EGFR: variants seen among roughly 807,000 people sequenced by gnomAD.
EGFR encodes the protein epidermal growth factor receptor.
Under a neutral mutation model 143.0 loss-of-function variants are expected in EGFR, and 58 were observed. That is an observed-to-expected ratio of 0.41 (90% CI 0.33 to 0.50). The LOEUF (loss-of-function observed/expected upper bound fraction) is 0.50. Ranked by LOEUF, EGFR falls within the 20% of genes least tolerant of loss-of-function variation. The probability of loss-of-function intolerance (pLI) is 0.39; values close to 1 mark genes in which losing one functional copy is unlikely to be tolerated. For synonymous variants in EGFR, 613 were observed against 594.4 expected, an observed-to-expected ratio of 1.03 and a Z score of -0.45; for missense variants, 1,307 against 1,579.0, an observed-to-expected ratio of 0.83 and a Z score of 2.92.
chr7:55,070,736 G>C (rs929197908), intron 1 of EGFR, among the ~76,000 whole-genome samples: 4 of 152,288 alleles, frequency 2.6e-5, no homozygotes, highest in Non-Finnish European at 5.9e-5. Flanking sequence ...GCAAACATGT[G>C]CAAGAAGAAA....
chr7:55,081,488 C>T (rs545435196), intron 1 of EGFR, among the ~76,000 whole-genome samples: 1 of 152,138 alleles, frequency 6.6e-6, no homozygotes, highest in Admixed American at 6.5e-5. Context: ...TGTCTGTGAG[C>T]GAGAGCCTGA....
In EGFR at chr7:55,174,773, G is replaced by GA; in HGVS notation, c.2238dup (p.Leu747IlefsTer16). On this transcript the variant is annotated frameshift_variant, in exon 19 of 28. Coordinates refer to ENST00000275493, the MANE Select transcript of EGFR (RefSeq NM_005228.5). LOFTEE classifies it high-confidence loss of function. ...AGTTAAAATTCCCGTCGCTATCAAG[G>GA]AATTAAGAGAAGCAACATCTCCGAA... 1 of 1,614,096 alleles carries GA rather than the reference G, an allele frequency of 6.2e-7. No individual in the cohort carries two copies. The highest frequency in any genetic ancestry group is 8.5e-7 in the Non-Finnish European group (1 of 1,179,996).
At chr7:55,043,729 A>C (rs1379172236) in intron 1 of EGFR, 1 of 152,314 alleles carries the variant, frequency 6.6e-6, no homozygotes, top group Non-Finnish European at 1.5e-5. Flanking sequence ...GAATGTTAAT[A>C]GTTCTAAGGT....
chr7:55,032,335 C>T (rs17289008), intron 1 of EGFR, among the ~76,000 whole-genome samples: 1 of 152,154 alleles, frequency 6.6e-6, no homozygotes, highest in Admixed American at 6.5e-5. Context: ...TGTCTGAGGA[C>T]GCAGCTTAGC....
chr7:55,123,097 CT>C (rs1160325501), intron 1 of EGFR, among the ~76,000 whole-genome samples: 1 of 152,152 alleles, frequency 6.6e-6, no homozygotes, highest in African/African-American at 2.4e-5. Flanking sequence ...GTCAGGAATT[CT>C]TTTTTTGTCT....
intron 15 of EGFR, chr7:55,168,636 C>T (rs1399098605): frequency 6.6e-7 from 1 of 1,513,794 alleles, no homozygotes; most frequent in African/African-American, 1.4e-5. Context: ...ATTCATTTGA[C>T]ATATGGAATT....
At chr7:55,042,875 G>A (rs1787978164) in intron 1 of EGFR, among the ~76,000 whole-genome samples, 1 of 152,128 alleles carries the variant, frequency 6.6e-6, no homozygotes, top group African/African-American at 2.4e-5. Flanking sequence ...ATGACTTCAT[G>A]AGGAGGTAGA....
chr7:55,098,688 C>T (rs1430879394), intron 1 of EGFR, among the ~76,000 whole-genome samples: 2 of 152,212 alleles, frequency 1.3e-5, no homozygotes, highest in African/African-American at 4.8e-5. Flanking sequence ...GTTACTCCGG[C>T]AATATAAAAA....
At chr7:55,083,295 T>A (rs1790569082) in intron 1 of EGFR, among the ~76,000 whole-genome samples, 1 of 152,248 alleles carries the variant, frequency 6.6e-6, no homozygotes, top group Non-Finnish European at 1.5e-5. Flanking sequence ...CTGAAGCATA[T>A]GATCTCCAGA....
Position 55,170,008 on chromosome 7 carries a change from T to C in EGFR, c.1881-1167T>C, listed in dbSNP as rs565520642. On this transcript the variant is annotated intron_variant, in intron 15 of 27. Coordinates refer to ENST00000275493, the MANE Select transcript of EGFR (RefSeq NM_005228.5). ...TGAGTGACTGCTTTCTGTCTCAGACTGTTTGGTGTCTGTAGGAGGTAGTGG... is the reference window on the plus strand; with the variant it reads ...TGAGTGACTGCTTTCTGTCTCAGACCGTTTGGTGTCTGTAGGAGGTAGTGG... Among the ~76,000 whole-genome samples the C allele has an allele frequency of 1.2e-3, 188 of 152,340 alleles. 1 individual carries two copies. The highest frequency in any genetic ancestry group is 4.4e-3 in the African/African-American group (184 of 41,568).
At chr7:55,123,020 C>T (rs1029772818) in intron 1 of EGFR, among the ~76,000 whole-genome samples, 1 of 152,208 alleles carries the variant, frequency 6.6e-6, no homozygotes, top group African/African-American at 2.4e-5. Context: ...CAAAATAATT[C>T]ACATGGTGGG....
At chr7:55,143,127 C>T (rs187383901) in intron 2 of EGFR, among the ~76,000 whole-genome samples, 178 bp from the exon 3 acceptor site, 3 of 152,148 alleles carry the variant, frequency 2.0e-5, no homozygotes, top group South Asian at 2.1e-4. Context: ...TGTTGCAGAT[C>T]GTGGACATGC....
At chr7:55,115,172 A>G (rs1461304779) in intron 1 of EGFR, among the ~76,000 whole-genome samples, 2 of 152,156 alleles carry the variant, frequency 1.3e-5, no homozygotes, top group African/African-American at 2.4e-5. Flanking sequence ...TTAAATTCAC[A>G]TGAGAATTTA....
In EGFR at chr7:55,143,450, A is replaced by C. The variant is rs762889647; in HGVS notation, c.386A>C (p.Lys129Thr). 6.2e-7 allele frequency: 1 copy of C among 1,614,218 alleles called. No homozygotes were observed. The highest frequency in any genetic ancestry group is 8.5e-7 in the Non-Finnish European group (1 of 1,180,046). ...GTCTTATCTAACTATGATGCAAATA[A>C]AACCGGACTGAAGGAGCTGCCCATG... ...LAVLSNYDAN[K>T]TGLKELPMRN... The change falls in exon 3 of 28, where the codon AAA (lysine) becomes ACA (threonine). Residue 129 changes from lysine (K) to threonine (T), a missense_variant. By Grantham distance (78) the Lys-to-Thr change is moderately conservative. Coordinates refer to ENST00000275493, the MANE Select transcript of EGFR (RefSeq NM_005228.5).
chr7:55,064,012 C>G (rs1261046893), intron 1 of EGFR, among the ~76,000 whole-genome samples: 1 of 143,958 alleles, frequency 6.9e-6, no homozygotes. Flanking sequence ...ATTTATTAGC[C>G]TGAACATAAT....
At chr7:55,128,649 G>A (rs1349416078) in intron 1 of EGFR, among the ~76,000 whole-genome samples, 1 of 152,164 alleles carries the variant, frequency 6.6e-6, no homozygotes, top group East Asian at 1.9e-4. Flanking sequence ...TAGTATTCTA[G>A]AAGACTCCAT....
intron 1 of EGFR, among the ~76,000 whole-genome samples, chr7:55,136,644 G>A (rs1047054445): frequency 1.3e-5 from 2 of 152,154 alleles, no homozygotes; most frequent in East Asian, 1.9e-4. Context: ...TTGACTTTAC[G>A]ATGGTGTGAA....
At chr7:55,077,283 A>C (rs1487283595) in intron 1 of EGFR, among the ~76,000 whole-genome samples, 2 of 152,180 alleles carry the variant, frequency 1.3e-5, no homozygotes, top group African/African-American at 4.8e-5. Context: ...ACAGGGCCTC[A>C]AGCACACAGA....
intron 3 of EGFR, 140 bp from the exon 4 acceptor site, chr7:55,146,466 G>A: frequency 7.2e-7 from 1 of 1,385,008 alleles, no homozygotes; most frequent in East Asian, 2.5e-5. Flanking sequence ...CCCCCGGGAA[G>A]TTCACTGGGC....
Sources: allele counts gnomAD v4.1 joint callset (sites outside exome capture counted in the v4.1 genomes callset), GRCh38; gene constraint gnomAD v4.1.1; transcripts MANE v1.5; gene names NCBI Gene and HGNC (gene_info 2026-07-23, HGNC 2026-07-21).